Variants in P2RY8 observed in about 807,000 individuals in gnomAD.
The protein encoded by P2RY8 is S-geranylgeranyl-glutathione receptor P2RY8.
In P2RY8, 6 loss-of-function variants were observed where a neutral mutation model predicts 10.0. The observed-to-expected ratio is 0.60, with a 90% CI of 0.33 to 1.19. P2RY8 has a LOEUF of 1.19. P2RY8 is among the 50% of genes most tolerant of loss of function. P2RY8 has a pLI of 0.04. For synonymous variants in P2RY8, 276 were observed against 252.5 expected, an observed-to-expected ratio of 1.09 and a Z score of -0.88; for missense variants, 456 against 542.0, an observed-to-expected ratio of 0.84 and a Z score of 1.58.
intron 1 of P2RY8, among the ~76,000 whole-genome samples, chrX:1,530,269 T>TTATCTACCTATCTATCTATC (rs1556687144): frequency 2.0e-5 from 3 of 148,280 alleles, no homozygotes; most frequent in Non-Finnish European, 4.5e-5. Flanking sequence ...ATCATCACCA[T>TTATCTACCTATCTATCTATC]TATCTATCTA....
intron 1 of P2RY8, among the ~76,000 whole-genome samples, chrX:1,482,478 A>AG (rs1481838289): frequency 6.6e-6 from 1 of 152,076 alleles, no homozygotes; most frequent in African/African-American, 2.4e-5. Context: ...GGTGACAGGA[A>AG]GGTTCGCAGG....
intron 1 of P2RY8, among the ~76,000 whole-genome samples, chrX:1,513,666 C>T (rs1204663330): frequency 6.6e-6 from 1 of 152,052 alleles, no homozygotes; most frequent in East Asian, 1.9e-4. Flanking sequence ...TAAGGTCTTA[C>T]AGACTCTGAG....
At chrX:1,527,060 AT>A (rs1569538790) in intron 1 of P2RY8, among the ~76,000 whole-genome samples, 1 of 151,956 alleles carries the variant, frequency 6.6e-6, no homozygotes, top group Non-Finnish European at 1.5e-5. Flanking sequence ...CGCCTGGCTA[AT>A]TTTTGTATTT....
rs2091728522 is a variant in P2RY8 at position 1,468,730 on chromosome X, CCTCTCTCCTCTCTCCT to C, written c.-24-2164_-24-2149del. 7.2e-5 allele frequency among the ~76,000 whole-genome samples: 6 copies of C among 83,886 alleles called. No homozygotes were observed. The Admixed American group carries it at 7.5e-4, about 11-fold the overall frequency. 55.0% of individuals were successfully genotyped at this position (83,886 alleles called of 152,430 possible). A position where few individuals can be genotyped will look rare whatever the true frequency, so the allele number is the denominator to read the frequency against. On this transcript the variant is annotated intron_variant, in intron 1 of 1. Transcript: ENST00000381297. ...GGGGCTGTAGGTGGGACCCTCCTCT[CCTCTCTCCTCTCTCCT>C]CTCTCCCCTCTCCCCTCTCCCCTCT... is the stretch of plus-strand genomic sequence containing the variant.
Position 1,466,207 on chromosome X carries a change from T to C in P2RY8, c.352A>G (p.Ser118Gly). Residue 118 changes from serine (S) to glycine (G), a missense_variant, in exon 2 of 2, where the codon AGC (serine) becomes GGC (glycine). Coordinates refer to ENST00000381297, the MANE Select transcript of P2RY8 (RefSeq NM_178129.5). ...AGGACCCCCAGGAAGCGCTCCACGC[T>C]GATACAGGTCATGGTGAGGATGCTG... ...YSSILTMTCI[S>G]VERFLGVLYP... The C allele has an allele frequency of 6.2e-7, 1 of 1,613,212 alleles. No individual in the cohort carries two copies. Among genetic ancestry groups the C allele is most frequent in the Non-Finnish European group, 8.5e-7 (1 of 1,179,612 alleles).
At chrX:1,497,651 G>C (rs1316553544) in intron 1 of P2RY8, among the ~76,000 whole-genome samples, 2 of 148,408 alleles carry the variant, frequency 1.3e-5, no homozygotes, top group African/African-American at 5.2e-5. Context: ...AGTAAACTCT[G>C]TCTCAAAATA....
intron 1 of P2RY8, chrX:1,494,073 C>T: frequency 6.6e-6 from 1 of 152,420 alleles, no homozygotes; most frequent in South Asian, 2.1e-4. Flanking sequence ...CCCGAACACT[C>T]CCAGGTCCCC....
intron 1 of P2RY8, among the ~76,000 whole-genome samples, chrX:1,513,389 A>G (rs1171991776): frequency 5.3e-5 from 8 of 152,222 alleles, no homozygotes; most frequent in Middle Eastern, 3.4e-3. Context: ...TAGTCAAACC[A>G]TATCAACCAT....
chrX:1,466,433 G>T lies in P2RY8; in HGVS notation c.126C>A (p.Leu42=). The T allele has an allele frequency of 1.2e-6, 2 of 1,613,078 alleles. No homozygotes were observed. The highest frequency in any genetic ancestry group is 1.3e-5 in the African/African-American group (1 of 75,024). ...GCCGGCACAGCACCCACAGAGAGAA[G>T]AGGTTGCCCGGGATGCTGACCGCCG... ...LVAAVSIPGN[L]FSLWVLCRRM... The change falls in exon 2 of 2, where the codon CTC becomes CTA. Residue 42 remains leucine (L), a synonymous_variant. Coordinates refer to ENST00000381297, the MANE Select transcript of P2RY8 (RefSeq NM_178129.5).
chrX:1,491,984 C>A (rs776891102), intron 1 of P2RY8, among the ~76,000 whole-genome samples: 92 of 152,290 alleles, frequency 6.0e-4, no homozygotes, highest in Non-Finnish European at 1.1e-3. Context: ...TTAGCCCCAC[C>A]GCCTCCCTCC....
intron 1 of P2RY8, among the ~76,000 whole-genome samples, chrX:1,474,673 T>C (rs1174042931): frequency 7.2e-6 from 1 of 139,470 alleles, no homozygotes. Context: ...GATGGATGGG[T>C]GGACAGATGG....
chrX:1,493,104 A>G (rs1195961063), intron 1 of P2RY8, among the ~76,000 whole-genome samples: 2 of 150,734 alleles, frequency 1.3e-5, no homozygotes, highest in Admixed American at 6.7e-5. Flanking sequence ...TGGTCAACAT[A>G]GTGAGACCCC....
At chrX:1,480,906 A>G (rs1188403500) in intron 1 of P2RY8, among the ~76,000 whole-genome samples, 19 of 130,540 alleles carry the variant, frequency 1.5e-4, no homozygotes, top group African/African-American at 5.0e-4. Context: ...CAACCACTGG[A>G]AAAAAAAAAA....
In P2RY8 at chrX:1,465,163, A is replaced by T; in HGVS notation, c.*316T>A. ...CCCAGCTCTACTAAAAAAAATACAA[A>T]AATTAGCCGGGCGTGGTGACACAAG... is the stretch of plus-strand genomic sequence containing the variant. On this transcript the variant is annotated 3_prime_UTR_variant, in exon 2 of 2. Coordinates refer to ENST00000381297, the MANE Select transcript of P2RY8 (RefSeq NM_178129.5). 1 of 441,362 alleles carries T rather than the reference A, an allele frequency of 2.3e-6. No individual in the cohort carries two copies. The allele number at this position is 441,362 out of a possible 1,614,324, so 27.3% of individuals were successfully genotyped here.
chrX:1,512,541 C>T lies in P2RY8; in HGVS notation c.-25+24380G>A, dbSNP rs1361193602. ...CAGCCTGGGCAACAGAGTGAGACTC[C>T]GTCTCAAAAAAAAAAAAAAAAAAAG... On this transcript the variant is annotated intron_variant, in intron 1 of 1. Coordinates refer to ENST00000381297, the MANE Select transcript of P2RY8 (RefSeq NM_178129.5). 5.3e-4 allele frequency among the ~76,000 whole-genome samples: 43 copies of T among 81,872 alleles called. 1 individual carries two copies. Among genetic ancestry groups the T allele is most frequent in the African/African-American group, 1.3e-3 (34 of 27,072 alleles). The allele number at this position is 81,872 out of a possible 152,430, so 53.7% of individuals were successfully genotyped here.
chrX:1,482,309 AC>A (rs2091944183), intron 1 of P2RY8, among the ~76,000 whole-genome samples: 1 of 147,776 alleles, frequency 6.8e-6, no homozygotes. Context: ...AAAAAAAAAA[AC>A]CCAAAGTGGT....
intron 1 of P2RY8, among the ~76,000 whole-genome samples, chrX:1,533,174 A>G (rs1451182632): frequency 2.0e-5 from 3 of 151,032 alleles, no homozygotes; most frequent in Non-Finnish European, 4.4e-5. Context: ...AATCTCACAC[A>G]TCACCACTAA....
At position 1,464,314 on chromosome X, in the gene P2RY8, TAGA is replaced by T. The variant is rs1402866610; in HGVS notation, c.*1162_*1164del. 2 of 233,376 alleles carry T rather than the reference TAGA, an allele frequency of 8.6e-6. No individual in the cohort carries two copies. The highest frequency in any genetic ancestry group is 1.7e-5 in the Non-Finnish European group (2 of 118,226). The allele number at this position is 233,376 out of a possible 1,614,324, so 14.5% of individuals were successfully genotyped here. ...GGGGCTGGTGCAGGCACATGCCGTG[TAGA>T]AGAAGACAGACAAAGACCCAGCCTG... On this transcript the variant is annotated 3_prime_UTR_variant, in exon 2 of 2. Transcript: ENST00000381297.
intron 1 of P2RY8, among the ~76,000 whole-genome samples, chrX:1,478,730 G>A (rs1449168266): frequency 6.6e-6 from 1 of 151,992 alleles, no homozygotes; most frequent in Non-Finnish European, 1.5e-5. Context: ...CACCCACCTC[G>A]GCCTCCCAAA....
Sources: gnomAD v4.1 joint callset for allele counts (sites outside exome capture counted in the v4.1 genomes callset) on GRCh38, gnomAD v4.1.1 for gene constraint, MANE v1.5 for transcripts, NCBI Gene and HGNC (gene_info 2026-07-23, HGNC 2026-07-21) for gene names.